ZFYVE26: variants seen among roughly 807,000 people sequenced by gnomAD.
ZFYVE26 encodes the protein zinc finger FYVE domain-containing protein 26.
A neutral mutation model predicts 276.5 loss-of-function variants in ZFYVE26; 181 were observed. The ratio of observed to expected loss-of-function variants is 0.65; its 90% CI spans 0.58 to 0.74. The LOEUF is 0.74. Ranked by LOEUF, ZFYVE26 falls within the 30% of genes least tolerant of loss-of-function variation. The pLI is 0.00. For synonymous variants in ZFYVE26, 1,129 were observed against 1,203.1 expected (o/e 0.94, Z 1.27); for missense variants, 2,821 against 3,097.9 (o/e 0.91, Z 2.12).
intron 6 of ZFYVE26, among the ~76,000 whole-genome samples, chr14:67,805,902 C>T (rs906177942): frequency 7.2e-5 from 11 of 152,256 alleles, no homozygotes; most frequent in East Asian, 5.8e-4. Context: ...TGGCACATGC[C>T]TGTAATCCCA....
At chr14:67,781,179 C>G (rs2039488494) in intron 22 of ZFYVE26, among the ~76,000 whole-genome samples, 154 bp downstream of exon 22, 1 of 152,162 alleles carries the variant, frequency 6.6e-6, no homozygotes, top group Non-Finnish European at 1.5e-5. Context: ...GCTAGGAGGC[C>G]TCCCTGCTGT....
Position 67,778,197 on chromosome 14 carries a change from G to C in ZFYVE26, c.4726C>G (p.His1576Asp), listed in dbSNP as rs762911297. 6.2e-7 allele frequency: 1 copy of C among 1,614,148 alleles called. No homozygotes were observed. The highest frequency in any genetic ancestry group is 1.1e-5 in the South Asian group (1 of 91,084). ...WGCLYPIPRE[H>D]LISLHQKHLL... is the part of the protein sequence containing the mutation. Reference sequence around the variant, plus strand: ...TGCTTTTGATGAAGGCTGATTAAATGTTCTCTTGGAATGGGGTACAGGCAG... The same window carrying C: ...TGCTTTTGATGAAGGCTGATTAAATCTTCTCTTGGAATGGGGTACAGGCAG... The change falls in exon 24 of 42, where the codon CAT becomes GAT. Residue 1576 changes from histidine (H) to aspartate (D), a missense_variant. By Grantham distance (81) the His-to-Asp change is moderately conservative. Transcript: ENST00000347230.
chr14:67,786,370 TG>T lies in ZFYVE26; in HGVS notation c.3020-138del, dbSNP rs2039660301. On this transcript the variant is annotated intron_variant, in intron 16 of 41. Coordinates refer to ENST00000347230, the MANE Select transcript of ZFYVE26 (RefSeq NM_015346.4). Reference sequence around the variant, plus strand: ...GGAGGAAATACATGCTGTGCCATTTTGGGTGACAACCAGTATACTTGGCTTA... The same window carrying T: ...GGAGGAAATACATGCTGTGCCATTTTGGTGACAACCAGTATACTTGGCTTA... 5 of 1,145,308 alleles carry T rather than the reference TG, an allele frequency of 4.4e-6. No individual in the cohort carries two copies. The Admixed American group carries it at 9.5e-5, about 22-fold the overall frequency. The allele number at this position is 1,145,308 out of a possible 1,614,324, so 70.9% of individuals were successfully genotyped here.
intron 18 of ZFYVE26, among the ~76,000 whole-genome samples, chr14:67,785,648 C>T (rs1203535983): frequency 6.6e-6 from 1 of 152,170 alleles, no homozygotes; most frequent in South Asian, 2.1e-4. Context: ...AATGTATCAG[C>T]TGATGGAGTG....
rs143550594 is a variant in ZFYVE26 at position 67,789,530 on chromosome 14, T to C, written c.2824A>G (p.Met942Val). The C allele has an allele frequency of 2.0e-5, 33 of 1,613,936 alleles. No homozygotes were observed. Among genetic ancestry groups the C allele is most frequent in the Non-Finnish European group, 2.6e-5 (31 of 1,180,018 alleles). The change falls in exon 16 of 42, where the codon ATG becomes GTG. Residue 942 changes from methionine (M) to valine (V), a missense_variant. Coordinates refer to ENST00000347230, the MANE Select transcript of ZFYVE26 (RefSeq NM_015346.4). Reference protein sequence around the residue: ...LLNTSGDPIPMLQEDFWISTA... With the variant: ...LLNTSGDPIPVLQEDFWISTA... ...CTTATCCAAAAGTCCTCCTGGAGCATGGGGATGGGGTCTCCAGAGGTGTTG... is the reference window on the plus strand; with the variant it reads ...CTTATCCAAAAGTCCTCCTGGAGCACGGGGATGGGGTCTCCAGAGGTGTTG...
chr14:67,745,777 C>T (rs191063306), downstream of ZFYVE26, among the ~76,000 whole-genome samples: 25 of 151,708 alleles, frequency 1.6e-4, no homozygotes, highest in African/African-American at 4.1e-4. Context: ...CCCTGTAATT[C>T]TAGCACTTTG....
At chr14:67,807,010 A>G (rs2040194609) in intron 5 of ZFYVE26, among the ~76,000 whole-genome samples, 2 of 152,162 alleles carry the variant, frequency 1.3e-5, no homozygotes, top group South Asian at 4.1e-4. Context: ...GGTTCACTGC[A>G]GCCTCCACCT....
chr14:67,794,249 T>C lies in ZFYVE26; in HGVS notation c.2333-10A>G, dbSNP rs768235944. 5 of 1,613,778 alleles carry C rather than the reference T, an allele frequency of 3.1e-6. No homozygotes were observed. The highest frequency in any genetic ancestry group is 1.3e-5 in the African/African-American group (1 of 74,922). ...CCTCTGTCTCGGCCATCTACAGGTA[T>C]TGGGAAGAAGAGAGAAAGTCAATTA... On this transcript the variant is annotated splice_polypyrimidine_tract_variant and intron_variant, in intron 12 of 41. Transcript: ENST00000347230.
At chr14:67,752,792 A>T (rs2038683856) in intron 39 of ZFYVE26, among the ~76,000 whole-genome samples, 1 of 152,132 alleles carries the variant, frequency 6.6e-6, no homozygotes, top group Admixed American at 6.5e-5. Flanking sequence ...CACTGAAAAT[A>T]TTCTTATCAA....
intron 34 of ZFYVE26, 69 bp from the exon 35 acceptor site, chr14:67,761,653 CT>C (rs2038933253): frequency 7.2e-7 from 1 of 1,380,064 alleles, no homozygotes; most frequent in Admixed American, 1.9e-5. Context: ...GAAAATATTG[CT>C]TGCAAAGAAT....
chr14:67,808,630 T>C (rs1297476378), intron 4 of ZFYVE26, among the ~76,000 whole-genome samples: 3 of 152,086 alleles, frequency 2.0e-5, no homozygotes, highest in Non-Finnish European at 4.4e-5. Context: ...TACTCGATGA[T>C]GCCACTTCAT....
chr14:67,745,575 A>G (rs2038473662), downstream of ZFYVE26, among the ~76,000 whole-genome samples: 1 of 152,122 alleles, frequency 6.6e-6, no homozygotes, highest in Non-Finnish European at 1.5e-5. Context: ...ATCATACTGC[A>G]AACATATGCC....
At chr14:67,788,419 C>G (rs2039712631) in intron 16 of ZFYVE26, among the ~76,000 whole-genome samples, 1 of 152,042 alleles carries the variant, frequency 6.6e-6, no homozygotes, top group Non-Finnish European at 1.5e-5. Flanking sequence ...AACAAACAAA[C>G]CTTGGGCCTT....
At chr14:67,758,896 A>G (rs1023121624) in intron 35 of ZFYVE26, among the ~76,000 whole-genome samples, 12 of 152,038 alleles carry the variant, frequency 7.9e-5, no homozygotes, top group Admixed American at 5.9e-4. Flanking sequence ...CAGCCTCCCA[A>G]TGTGCTGGGA....
At chr14:67,753,340 C>T (rs1245150275) in intron 39 of ZFYVE26, among the ~76,000 whole-genome samples, 1 of 152,216 alleles carries the variant, frequency 6.6e-6, no homozygotes, top group East Asian at 1.9e-4. Context: ...AGCTCCTGTA[C>T]AGACCAAGGA....
chr14:67,794,222 A>T lies in ZFYVE26; in HGVS notation c.2350T>A (p.Ser784Thr). The T allele has an allele frequency of 6.2e-7, 1 of 1,614,238 alleles. No homozygotes were observed. Among genetic ancestry groups the T allele is most frequent in the Non-Finnish European group, 8.5e-7 (1 of 1,180,032 alleles). The change falls in exon 13 of 42, where the codon TCA (serine) becomes ACA (threonine). Residue 784 changes from serine (S) to threonine (T), a missense_variant. Ser to Thr is a moderately conservative substitution (Grantham distance 58). Transcript: ENST00000347230. ...RSQADGRDRG[S>T]NPSLESTSSE... ...CTTGTACTTTCCAGGGATGGGTTTG[A>T]ACCTCTGTCTCGGCCATCTACAGGT...
chr14:67,807,937 G>A lies in ZFYVE26; in HGVS notation c.364-17C>T. 5 of 1,614,118 alleles carry A rather than the reference G, an allele frequency of 3.1e-6. No individual in the cohort carries two copies. The highest frequency in any genetic ancestry group is 4.2e-6 in the Non-Finnish European group (5 of 1,179,988). The stretch of plus-strand genomic sequence containing the variant: ...ATACAGCTCCTAAATAGAGGATGAA[G>A]AAAAGGATGGGTGGTGGGCATGCCT... On this transcript the variant is annotated splice_polypyrimidine_tract_variant and intron_variant, in intron 4 of 41. Transcript: ENST00000347230.
chr14:67,729,207 C>T, intron 14 of ZFYVE26: 1 of 1,612,690 alleles, frequency 6.2e-7, no homozygotes, highest in Non-Finnish European at 8.5e-7. Context: ...GGGTCACCAC[C>T]TACGCAGTGC....
At chr14:67,745,142 A>C (rs1368569478), downstream of ZFYVE26, among the ~76,000 whole-genome samples, 1 of 152,010 alleles carries the variant, frequency 6.6e-6, no homozygotes, top group African/African-American at 2.4e-5. Context: ...TGTGGTTTTG[A>C]TTTGCATTTC....
Sources: gnomAD v4.1 joint callset for allele counts (sites outside exome capture counted in the v4.1 genomes callset) on GRCh38, gnomAD v4.1.1 for gene constraint, MANE v1.5 for transcripts, NCBI Gene and HGNC (gene_info 2026-07-23, HGNC 2026-07-21) for gene names.